Variants in KHDRBS2 observed in about 807,000 individuals in gnomAD.
The protein encoded by KHDRBS2 is KH domain-containing, RNA-binding, signal transduction-associated protein 2.
Under a neutral mutation model 44.3 loss-of-function variants are expected in KHDRBS2, and 26 were observed. The observed-to-expected ratio is 0.59, with a 90% CI of 0.43 to 0.81. KHDRBS2 has a LOEUF of 0.81. Ranked by LOEUF, KHDRBS2 falls within the 40% of genes least tolerant of loss-of-function variation. The pLI is 0.00. For missense variants in KHDRBS2, 476 were observed against 433.1 expected (o/e 1.10, Z -0.88); for synonymous variants, 194 against 151.1 (o/e 1.28, Z -2.08).
intron 3 of KHDRBS2, among the ~76,000 whole-genome samples, chr6:61,983,132 A>G (rs1235903782): frequency 1.3e-5 from 2 of 151,798 alleles, no homozygotes; most frequent in East Asian, 3.9e-4. Flanking sequence ...CTGGAATGTC[A>G]TATTTGAGAA....
chr6:61,687,673 T>G (rs553318221), intron 8 of KHDRBS2, among the ~76,000 whole-genome samples: 2 of 152,012 alleles, frequency 1.3e-5, no homozygotes, highest in African/African-American at 4.8e-5. Context: ...TATCTCCAAT[T>G]TACTTTATGT....
chr6:61,745,756 G>T (rs1395415721), intron 6 of KHDRBS2, among the ~76,000 whole-genome samples: 2 of 152,126 alleles, frequency 1.3e-5, no homozygotes, highest in African/African-American at 4.8e-5. Context: ...CACACAAGAG[G>T]AGAGTTGTTG....
At chr6:61,663,680 C>G in the KHDRBS2 span, among the ~76,000 whole-genome samples, 2 of 150,068 alleles carry the variant, frequency 1.3e-5, no homozygotes, top group Non-Finnish European at 3.0e-5. Flanking sequence ...TTTTCCACCA[C>G]ACGGTATGGA....
intron 8 of KHDRBS2, 62 bp from the exon 9 acceptor site, chr6:61,681,122 TA>T (rs1331385796): frequency 9.1e-7 from 1 of 1,101,596 alleles, no homozygotes; most frequent in Admixed American, 1.9e-5. Flanking sequence ...AATAGTCATT[TA>T]AGACACAATA....
chr6:61,717,357 GA>G (rs1002920888), intron 7 of KHDRBS2, among the ~76,000 whole-genome samples: 12 of 151,486 alleles, frequency 7.9e-5, no homozygotes, highest in Admixed American at 1.3e-4. Context: ...AAGAGAGAGA[GA>G]AAAAAAACAG....
the KHDRBS2 span, among the ~76,000 whole-genome samples, chr6:61,612,978 G>T: frequency 6.7e-6 from 1 of 148,834 alleles, no homozygotes. Flanking sequence ...TCAGCCTCCC[G>T]AGTAGCTGGG....
the KHDRBS2 span, among the ~76,000 whole-genome samples, chr6:61,555,787 G>A: frequency 6.6e-6 from 1 of 151,926 alleles, no homozygotes; most frequent in African/African-American, 2.4e-5. Context: ...TTTTTGGAGG[G>A]CAAGGCTCAG....
the KHDRBS2 span, among the ~76,000 whole-genome samples, chr6:61,642,106 A>G: frequency 3.3e-5 from 5 of 152,308 alleles, no homozygotes; most frequent in Non-Finnish European, 7.3e-5. Context: ...GGACACCTCA[A>G]ACTAAAACAG....
chr6:62,180,288 G>A (rs1224948241), intron 1 of KHDRBS2, among the ~76,000 whole-genome samples: 1 of 151,808 alleles, frequency 6.6e-6, no homozygotes, highest in African/African-American at 2.4e-5. Context: ...TGATATGTAG[G>A]AAACGCCTAA....
chr6:62,147,969 C>T (rs1428124667), intron 2 of KHDRBS2, among the ~76,000 whole-genome samples: 2 of 151,894 alleles, frequency 1.3e-5, no homozygotes, highest in Non-Finnish European at 2.9e-5. Flanking sequence ...ATACATTCCA[C>T]AGGATGTAGA....
At chr6:61,853,927 T>G (rs2127287888) in intron 6 of KHDRBS2, among the ~76,000 whole-genome samples, 1 of 152,292 alleles carries the variant, frequency 6.6e-6, no homozygotes, top group East Asian at 1.9e-4. Flanking sequence ...TTAAGAATGT[T>G]TTTTAGAAAC....
chr6:62,018,591 C>T (rs576782457), intron 3 of KHDRBS2, among the ~76,000 whole-genome samples: 1 of 151,972 alleles, frequency 6.6e-6, no homozygotes, highest in Non-Finnish European at 1.5e-5. Context: ...GTGATCCGCG[C>T]GCCTTGGCCT....
At chr6:62,110,606 C>G (rs1394480675) in intron 2 of KHDRBS2, among the ~76,000 whole-genome samples, 1 of 151,998 alleles carries the variant, frequency 6.6e-6, no homozygotes, top group Non-Finnish European at 1.5e-5. Flanking sequence ...AGTCCTCTCT[C>G]CCAAAAAACC....
intron 1 of KHDRBS2, among the ~76,000 whole-genome samples, chr6:62,195,491 A>G (rs1825491195): frequency 6.6e-6 from 1 of 152,212 alleles, no homozygotes; most frequent in Admixed American, 6.6e-5. Context: ...GCTGAATGAG[A>G]AATTTCTTAG....
intron 2 of KHDRBS2, among the ~76,000 whole-genome samples, chr6:62,131,365 G>T (rs1369391790): frequency 6.6e-6 from 1 of 152,152 alleles, no homozygotes; most frequent in Non-Finnish European, 1.5e-5. Flanking sequence ...CACTGAACTT[G>T]CAATAATTTA....
chr6:62,044,353 G>A (rs1465026592), intron 3 of KHDRBS2, among the ~76,000 whole-genome samples: 2 of 151,908 alleles, frequency 1.3e-5, no homozygotes, highest in Non-Finnish European at 2.9e-5. Flanking sequence ...GCGTTCACCT[G>A]TAGTCCCAGA....
At chr6:61,719,323 T>C (rs1771971304) in intron 7 of KHDRBS2, among the ~76,000 whole-genome samples, 1 of 152,306 alleles carries the variant, frequency 6.6e-6, no homozygotes. Flanking sequence ...CCACTTTTTT[T>C]CTACTTGTAT....
intron 3 of KHDRBS2, among the ~76,000 whole-genome samples, chr6:62,029,237 T>C (rs1783912937): frequency 6.6e-6 from 1 of 151,964 alleles, no homozygotes; most frequent in African/African-American, 2.4e-5. Context: ...TTAGTAACAG[T>C]TGCAAGAAAA....
chr6:62,024,263 T>C (rs1290584237), intron 3 of KHDRBS2, among the ~76,000 whole-genome samples: 2 of 151,308 alleles, frequency 1.3e-5, no homozygotes, highest in Non-Finnish European at 3.0e-5. Flanking sequence ...AAATCGAAAT[T>C]TAGAGATAAA....
Sources: allele counts gnomAD v4.1 joint callset (sites outside exome capture counted in the v4.1 genomes callset), GRCh38; gene constraint gnomAD v4.1.1; transcripts MANE v1.5; gene names NCBI Gene and HGNC (gene_info 2026-07-23, HGNC 2026-07-21).